The following NOVA1 variants were observed in gnomAD, a reference collection of about 807,000 sequenced individuals.
The protein encoded by NOVA1 is NOVA alternative splicing regulator 1.
In NOVA1, 7 loss-of-function variants were observed where a neutral mutation model predicts 38.0. That is an observed-to-expected ratio of 0.18 (90% confidence interval 0.10 to 0.35). The LOEUF (loss-of-function observed/expected upper bound fraction) is 0.35, where lower values mean the gene tolerates loss of function less well. Ranked by LOEUF, NOVA1 falls within the 10% of genes least tolerant of loss-of-function variation. The pLI is 1.00. For missense variants in NOVA1, 460 were observed against 616.0 expected (o/e 0.75, Z 2.68); for synonymous variants, 270 against 232.5 (o/e 1.16, Z -1.47).
At chr14:26,515,353 G>C (rs1310069039) in intron 2 of NOVA1, among the ~76,000 whole-genome samples, 1 of 151,804 alleles carries the variant, frequency 6.6e-6, no homozygotes, top group African/African-American at 2.4e-5. Flanking sequence ...GTTCTATACA[G>C]GAAATTTTCT....
chr14:26,592,418 T>C (rs1893909841), intron 2 of NOVA1, among the ~76,000 whole-genome samples: 1 of 151,260 alleles, frequency 6.6e-6, no homozygotes, highest in Non-Finnish European at 1.5e-5. Flanking sequence ...AAAAGGTATA[T>C]TCCTAAACCA....
chr14:26,468,793 A>G (rs1440154909), intron 4 of NOVA1, among the ~76,000 whole-genome samples: 1 of 152,160 alleles, frequency 6.6e-6, no homozygotes, highest in Non-Finnish European at 1.5e-5. Flanking sequence ...AATTTGATAA[A>G]TGCTTATAAT....
intron 2 of NOVA1, among the ~76,000 whole-genome samples, chr14:26,502,859 C>T (rs900959083): frequency 1.3e-5 from 2 of 151,792 alleles, no homozygotes; most frequent in African/African-American, 4.8e-5. Context: ...TTTTTTGCTA[C>T]AGTTCTCAAG....
chr14:26,506,648 C>T (rs868263382), intron 2 of NOVA1, among the ~76,000 whole-genome samples: 28 of 152,110 alleles, frequency 1.8e-4, no homozygotes, highest in African/African-American at 6.3e-4. Flanking sequence ...GGCATGAACT[C>T]GGCTCACTGC....
chr14:26,574,784 G>C (rs1892730682), intron 2 of NOVA1, among the ~76,000 whole-genome samples: 1 of 151,988 alleles, frequency 6.6e-6, no homozygotes, highest in Non-Finnish European at 1.5e-5. Flanking sequence ...AGTCTCCAGA[G>C]TAGCTAGGAA....
At chr14:26,570,289 G>A (rs905080478) in intron 2 of NOVA1, among the ~76,000 whole-genome samples, 3 of 152,040 alleles carry the variant, frequency 2.0e-5, no homozygotes, top group African/African-American at 7.2e-5. Context: ...AGAGGTTGCA[G>A]TGAGCCATGA....
intron 2 of NOVA1, among the ~76,000 whole-genome samples, chr14:26,511,579 CT>C (rs1409410286): frequency 1.3e-5 from 2 of 152,114 alleles, no homozygotes; most frequent in East Asian, 3.9e-4. Context: ...TGGTGAAACC[CT>C]GTCTCTACTA....
intron 4 of NOVA1, among the ~76,000 whole-genome samples, chr14:26,468,416 T>G (rs1330826908): frequency 6.6e-6 from 1 of 152,128 alleles, no homozygotes; most frequent in Non-Finnish European, 1.5e-5. Flanking sequence ...CAGCCAACAC[T>G]GATTGCAGCC....
intron 2 of NOVA1, among the ~76,000 whole-genome samples, chr14:26,525,405 T>C (rs73601922): frequency 0.024 from 3,720 of 152,274 alleles, 139 homozygotes; most frequent in African/African-American, 0.085. Flanking sequence ...AAATGTTCTA[T>C]TGCAGTATTT....
At chr14:26,479,350 A>T (rs986694499) in intron 3 of NOVA1, 1 of 152,038 alleles carries the variant, frequency 6.6e-6, no homozygotes, top group African/African-American at 2.4e-5. Flanking sequence ...AAAAACTCAC[A>T]TCAGTTTTTC....
At chr14:26,504,417 A>G (rs1280142009) in intron 2 of NOVA1, among the ~76,000 whole-genome samples, 1 of 152,226 alleles carries the variant, frequency 6.6e-6, no homozygotes, top group African/African-American at 2.4e-5. Context: ...AAGTACATGT[A>G]GCTCAAGAGA....
At chr14:26,457,587 T>C (rs913244875) in intron 4 of NOVA1, among the ~76,000 whole-genome samples, 14 of 152,152 alleles carry the variant, frequency 9.2e-5, no homozygotes, top group Admixed American at 8.5e-4. Flanking sequence ...ACACAAAGTA[T>C]TGCACATACA....
intron 2 of NOVA1, among the ~76,000 whole-genome samples, chr14:26,513,446 T>C (rs1422971434): frequency 6.6e-6 from 1 of 151,814 alleles, no homozygotes; most frequent in East Asian, 1.9e-4. Flanking sequence ...GTTAAAAAAT[T>C]ATTAACATAA....
chr14:26,458,617 G>C (rs965852080), intron 4 of NOVA1, among the ~76,000 whole-genome samples: 11 of 152,010 alleles, frequency 7.2e-5, no homozygotes, highest in African/African-American at 2.4e-4. Context: ...ACTAAACACT[G>C]AGTAAACATG....
chr14:26,464,037 G>A (rs1355568987), intron 4 of NOVA1, among the ~76,000 whole-genome samples: 3 of 152,148 alleles, frequency 2.0e-5, no homozygotes, highest in Non-Finnish European at 2.9e-5. Context: ...ATAAAAAAAT[G>A]TGGCCTCACA....
At chr14:26,462,471 T>A (rs1415381907) in intron 4 of NOVA1, among the ~76,000 whole-genome samples, 1 of 150,854 alleles carries the variant, frequency 6.6e-6, no homozygotes, top group East Asian at 1.9e-4. Context: ...ATGAAATATT[T>A]TATCCGACTG....
At chr14:26,501,192 A>T (rs938591185) in intron 2 of NOVA1, among the ~76,000 whole-genome samples, 3 of 152,006 alleles carry the variant, frequency 2.0e-5, no homozygotes, top group Admixed American at 1.3e-4. Flanking sequence ...ACTAAACAAG[A>T]TGTTAAAAAG....
intron 2 of NOVA1, among the ~76,000 whole-genome samples, chr14:26,591,652 A>C (rs1307402020): frequency 6.6e-6 from 1 of 151,624 alleles, no homozygotes; most frequent in East Asian, 1.9e-4. Context: ...TCTGATTTGC[A>C]AAAAATTATC....
At chr14:26,489,512 ATAT>A (rs1055750308) in intron 2 of NOVA1, among the ~76,000 whole-genome samples, 4 of 151,442 alleles carry the variant, frequency 2.6e-5, no homozygotes, top group African/African-American at 7.2e-5. Flanking sequence ...TAAAAGTATT[ATAT>A]TATTATTAAT....
Sources: allele counts gnomAD v4.1 joint callset (sites outside exome capture counted in the v4.1 genomes callset), GRCh38; gene constraint gnomAD v4.1.1; transcripts MANE v1.5; gene names NCBI Gene and HGNC (gene_info 2026-07-23, HGNC 2026-07-21).